TMEM266: variants seen among roughly 807,000 people sequenced by gnomAD.
TMEM266 encodes Hv1 related protein 1.
In TMEM266, 33 loss-of-function variants were observed where a neutral mutation model predicts 50.5. The observed-to-expected ratio is 0.65, with a 90% CI of 0.50 to 0.87. TMEM266 has a LOEUF of 0.87. Ranked by LOEUF, TMEM266 falls within the 40% of genes least tolerant of loss-of-function variation. The probability of loss-of-function intolerance (pLI) is 0.00; values close to 1 mark genes in which losing one functional copy is unlikely to be tolerated. For synonymous variants in TMEM266, 310 were observed against 292.3 expected (o/e 1.06, Z -0.62); for missense variants, 655 against 695.1 (o/e 0.94, Z 0.65).
chr15:76,102,840 CAA>C (rs576336505), intron 1 of TMEM266, among the ~76,000 whole-genome samples: 31 of 48,404 alleles, frequency 6.4e-4, no homozygotes, highest in South Asian at 1.3e-3. Context: ...CCCTTATCTC[CAA>C]AAAAAAAAAA....
intron 7 of TMEM266, among the ~76,000 whole-genome samples, chr15:76,173,176 G>A (rs2038213461): frequency 6.6e-6 from 1 of 152,166 alleles, no homozygotes; most frequent in Admixed American, 6.5e-5. Flanking sequence ...AGGGACACGT[G>A]GCCGGTCCTC....
chr15:76,151,265 C>T (rs1162820217), intron 3 of TMEM266, among the ~76,000 whole-genome samples: 1 of 152,156 alleles, frequency 6.6e-6, no homozygotes, highest in East Asian at 1.9e-4. Context: ...CCCACTAAGC[C>T]CCTTGAGTCA....
chr15:76,162,773 G>A lies in TMEM266; in HGVS notation c.456+2605G>A, dbSNP rs376206238. Among the ~76,000 whole-genome samples the A allele has an allele frequency of 2.9e-4, 44 of 152,320 alleles. No homozygotes were observed. The East Asian group carries it at 7.7e-3, about 27-fold the overall frequency. On this transcript the variant is annotated intron_variant, in intron 5 of 10. Transcript: ENST00000388942. ...GACCTGAGAAAGAAAGTCCGACCGA[G>A]TGATCACTCAGACCACAGACCCAGG...
rs1215946754 is a variant in TMEM266 at position 76,160,835 on chromosome 15, T to A, written c.456+667T>A. Among the ~76,000 whole-genome samples, 2 of 152,118 alleles carry A rather than the reference T, an allele frequency of 1.3e-5. No individual in the cohort carries two copies. Among genetic ancestry groups the A allele is most frequent in the Non-Finnish European group, 2.9e-5 (2 of 68,010 alleles). On this transcript the variant is annotated intron_variant, in intron 5 of 10. Transcript: ENST00000388942. The surrounding 1 kb of genome is among the most constrained non-coding windows in gnomAD (Gnocchi z 5.7). ...CTGTGGTGAGGGGAGGGGGAAAGTT[T>A]ATGGAGATCCGCAGGCCCCCGGGCT...
At chr15:76,103,089 C>T (rs1341620449) in intron 1 of TMEM266, among the ~76,000 whole-genome samples, 4 of 151,952 alleles carry the variant, frequency 2.6e-5, no homozygotes, top group African/African-American at 9.7e-5. Flanking sequence ...TGGCAGTAAT[C>T]GGCCGAGAGA....
At chr15:76,106,728 G>A (rs1248878288) in intron 1 of TMEM266, among the ~76,000 whole-genome samples, 1 of 152,216 alleles carries the variant, frequency 6.6e-6, no homozygotes, top group Non-Finnish European at 1.5e-5. Context: ...TTACAGGCGT[G>A]AGCCACCATG....
At chr15:76,117,862 G>A (rs955187615) in intron 1 of TMEM266, among the ~76,000 whole-genome samples, 2 of 152,228 alleles carry the variant, frequency 1.3e-5, no homozygotes, top group African/African-American at 4.8e-5. Context: ...GTGATTTCAG[G>A]TGGGACACTT....
chr15:76,165,714 G>A (rs543796396), intron 5 of TMEM266, among the ~76,000 whole-genome samples: 3 of 152,370 alleles, frequency 2.0e-5, no homozygotes, highest in African/African-American at 4.8e-5. Context: ...GAGCAGCTCT[G>A]AAGGTGGCCG....
At chr15:76,175,962 C>A in intron 8 of TMEM266, 1 of 305,560 alleles carries the variant, frequency 3.3e-6, no homozygotes, top group Non-Finnish European at 6.1e-6. Flanking sequence ...AAGTCGCCCC[C>A]TCAGTTCATC....
intron 9 of TMEM266, among the ~76,000 whole-genome samples, chr15:76,196,709 G>A (rs974407773): frequency 1.3e-5 from 2 of 152,152 alleles, no homozygotes; most frequent in Admixed American, 6.5e-5. Flanking sequence ...TTTGCAGGGT[G>A]GGGGAGGGCA....
intron 9 of TMEM266, among the ~76,000 whole-genome samples, chr15:76,200,183 G>C (rs903433246): frequency 3.3e-5 from 5 of 152,178 alleles, no homozygotes; most frequent in African/African-American, 1.2e-4. Flanking sequence ...CTGATGACCA[G>C]AGCTGCTCCA....
At chr15:76,063,724 C>A (rs1018150015) in intron 1 of TMEM266, among the ~76,000 whole-genome samples, 7 of 152,218 alleles carry the variant, frequency 4.6e-5, no homozygotes, top group African/African-American at 1.7e-4. Flanking sequence ...TTTGTTCACT[C>A]CCCCAACTCT....
chr15:76,175,122 TC>T, intron 7 of TMEM266: 1 of 157,296 alleles, frequency 6.4e-6, no homozygotes, highest in East Asian at 1.9e-4. Context: ...TGCCCCGTTT[TC>T]CTTTCCGCCA....
chr15:76,133,054 A>C (rs35977288), intron 1 of TMEM266, among the ~76,000 whole-genome samples: 10,935 of 151,968 alleles, frequency 0.072, 535 homozygotes, highest in Non-Finnish European at 0.099. Context: ...ACTTGAGCCC[A>C]GGAGGTCAAG....
chr15:76,103,629 GGGCTGGGCGCAGT>G (rs2037037026), intron 1 of TMEM266, among the ~76,000 whole-genome samples: 2 of 152,036 alleles, frequency 1.3e-5, no homozygotes, highest in African/African-American at 4.8e-5. Flanking sequence ...TGTGTATTTG[GGGCTGGGCGCAGT>G]GGCCCACACC....
chr15:76,072,616 C>T (rs1019025522), intron 1 of TMEM266, among the ~76,000 whole-genome samples: 1 of 151,850 alleles, frequency 6.6e-6, no homozygotes, highest in Non-Finnish European at 1.5e-5. Flanking sequence ...TTTAGGTATT[C>T]CAGAATAATT....
At chr15:76,065,305 C>T (rs1304729704) in intron 1 of TMEM266, among the ~76,000 whole-genome samples, 1 of 152,166 alleles carries the variant, frequency 6.6e-6, no homozygotes, top group Non-Finnish European at 1.5e-5. Context: ...CAAGGAGCTC[C>T]TGCCCCCACC....
rs750081808 is a variant in TMEM266, at chr15:76,175,582, G to A, written c.676G>A (p.Glu226Lys). Residue 226 changes from glutamate (E) to lysine (K), a missense_variant, in exon 8 of 11, where the codon GAG becomes AAG. Transcript: ENST00000388942. ...AGCCTACGTCCTGCCAGTGAAGCTG[G>A]AGATGGAGATGGTTATCCAGCAGTA... The A allele has an allele frequency of 1.2e-6, 2 of 1,614,140 alleles. No individual in the cohort carries two copies. The highest frequency in any genetic ancestry group is 4.5e-5 in the East Asian group (2 of 44,878).
At chr15:76,173,945 A>T (rs370269684) in intron 7 of TMEM266, among the ~76,000 whole-genome samples, 63 of 151,324 alleles carry the variant, frequency 4.2e-4, no homozygotes, top group African/African-American at 1.3e-3. Context: ...AAAAAAATAA[A>T]AAAAAAAAAA....
Sources: gnomAD v4.1 joint callset for allele counts (sites outside exome capture counted in the v4.1 genomes callset) on GRCh38, gnomAD v4.1.1 for gene constraint, Gnocchi (gnomAD v3.1) non-coding constraint, MANE v1.5 for transcripts, NCBI Gene and HGNC (gene_info 2026-07-23, HGNC 2026-07-21) for gene names.